Variants in CNIH3 observed in about 807,000 individuals in gnomAD.
CNIH3 encodes cornichon family AMPA receptor auxiliary protein 3.
Under a neutral mutation model 24.1 loss-of-function variants are expected in CNIH3, and 14 were observed. The observed-to-expected ratio is 0.58, with a 90% confidence interval of 0.38 to 0.91. The LOEUF (loss-of-function observed/expected upper bound fraction) is 0.91. Among genes scored for constraint, CNIH3 ranks in the 40% least tolerant of loss-of-function variants. The pLI is 0.00. For missense variants in CNIH3, 178 were observed against 196.8 expected, an observed-to-expected ratio of 0.90 and a Z score of 0.57; for synonymous variants, 68 against 73.8, an observed-to-expected ratio of 0.92 and a Z score of 0.40.
At chr1:224,434,809 G>T in exon 1 of CNIH3, 2 of 986,216 alleles carry the variant, frequency 2.0e-6, no homozygotes, top group South Asian at 9.3e-5. Context: ...GAGTCCAGGC[G>T]CTCGCGTCAC....
At chr1:224,689,606 A>C (rs56365526) in intron 3 of CNIH3, among the ~76,000 whole-genome samples, 26,800 of 152,112 alleles carry the variant, frequency 0.18, 2,524 homozygotes, top group African/African-American at 0.23. Flanking sequence ...TAATGGGTCT[A>C]GTTAGCAGCA....
chr1:224,522,739 TA>T (rs1220911486), intron 2 of CNIH3, among the ~76,000 whole-genome samples: 1 of 152,080 alleles, frequency 6.6e-6, no homozygotes, highest in Non-Finnish European at 1.5e-5. Flanking sequence ...AGCTAAAACC[TA>T]AAAAAACAAC....
At chr1:224,473,020 T>A (rs1163919941) in intron 1 of CNIH3, among the ~76,000 whole-genome samples, 3 of 152,052 alleles carry the variant, frequency 2.0e-5, no homozygotes, top group Non-Finnish European at 4.4e-5. Context: ...GGCAGGAGGG[T>A]TTGGCATCAG....
intron 1 of CNIH3, among the ~76,000 whole-genome samples, chr1:224,475,890 T>G (rs145303672): frequency 1.6e-4 from 24 of 152,250 alleles, no homozygotes; most frequent in African/African-American, 5.3e-4. Flanking sequence ...AAAAAAAGCA[T>G]TCATCATTAC....
intron 1 of CNIH3, among the ~76,000 whole-genome samples, chr1:224,445,087 G>T (rs547072740): frequency 4.7e-4 from 71 of 152,138 alleles, no homozygotes; most frequent in African/African-American, 1.7e-3. Context: ...AACGTTACCA[G>T]GACCCCAGTA....
intron 1 of CNIH3, among the ~76,000 whole-genome samples, chr1:224,475,197 C>T (rs1305428151): frequency 7.0e-6 from 1 of 143,812 alleles, no homozygotes; most frequent in Non-Finnish European, 1.5e-5. Flanking sequence ...TTTACTAAAA[C>T]TACAGAAAAT....
chr1:224,586,286 A>G (rs937016984), intron 5 of CNIH3, among the ~76,000 whole-genome samples: 2 of 152,248 alleles, frequency 1.3e-5, no homozygotes, highest in African/African-American at 4.8e-5. Context: ...TCACAGTTCC[A>G]TGTGGCTGGG....
intron 1 of CNIH3, among the ~76,000 whole-genome samples, chr1:224,457,273 CTCTGTGTG>C (rs894062644): frequency 1.2e-3 from 34 of 28,082 alleles, no homozygotes; most frequent in African/African-American, 2.9e-3. Flanking sequence ...TCCTCTCTCT[CTCTGTGTG>C]TGTGTGTGTG....
intron 3 of CNIH3, among the ~76,000 whole-genome samples, chr1:224,601,936 C>T (rs1682227668): frequency 6.6e-6 from 1 of 152,208 alleles, no homozygotes; most frequent in Non-Finnish European, 1.5e-5. Flanking sequence ...AAATGCCAAA[C>T]TTTCTGTGTA....
chr1:224,527,347 A>C (rs2124925178), intron 2 of CNIH3, among the ~76,000 whole-genome samples: 1 of 152,320 alleles, frequency 6.6e-6, no homozygotes, highest in East Asian at 1.9e-4. Context: ...CACTAAGGTA[A>C]TTTTTTAATT....
intron 3 of CNIH3, among the ~76,000 whole-genome samples, chr1:224,565,189 G>A (rs1474785002): frequency 6.6e-6 from 1 of 152,204 alleles, no homozygotes; most frequent in Admixed American, 6.5e-5. Flanking sequence ...TGATCTGAGT[G>A]TGTGTATGTC....
At chr1:224,483,718 G>A (rs1369306532) in intron 1 of CNIH3, among the ~76,000 whole-genome samples, 2 of 152,090 alleles carry the variant, frequency 1.3e-5, no homozygotes, top group African/African-American at 2.4e-5. Flanking sequence ...TCTTATGAAG[G>A]TGCTTTTTTG....
chr1:224,697,834 C>T (rs1030230900), intron 3 of CNIH3, among the ~76,000 whole-genome samples: 4 of 152,132 alleles, frequency 2.6e-5, no homozygotes, highest in Admixed American at 2.6e-4. Flanking sequence ...TTGCATTATC[C>T]AGTCTCTGCC....
At chr1:224,731,468 A>T (rs940499618) in intron 4 of CNIH3, among the ~76,000 whole-genome samples, 1 of 152,208 alleles carries the variant, frequency 6.6e-6, no homozygotes, top group Non-Finnish European at 1.5e-5. Context: ...ATTTGCGCAG[A>T]TAAGTTGCCT....
intron 1 of CNIH3, among the ~76,000 whole-genome samples, chr1:224,642,388 T>G (rs1009208332): frequency 1.3e-5 from 2 of 152,094 alleles, no homozygotes; most frequent in African/African-American, 4.8e-5. Context: ...TGCCACCATA[T>G]CTAGCTAATT....
intron 3 of CNIH3, among the ~76,000 whole-genome samples, chr1:224,722,580 G>A (rs768720675): frequency 2.9e-4 from 44 of 152,164 alleles, no homozygotes; most frequent in Admixed American, 1.1e-3. Flanking sequence ...ACCACACTTT[G>A]AGCAGGGTTC....
intron 1 of CNIH3, chr1:224,665,004 G>C (rs1685529444): frequency 6.6e-6 from 1 of 151,688 alleles, no homozygotes; most frequent in Admixed American, 6.6e-5. Flanking sequence ...TTTCTTCCTG[G>C]GTCTAATTTT....
intron 1 of CNIH3, among the ~76,000 whole-genome samples, chr1:224,623,347 C>T (rs1294114320): frequency 2.0e-5 from 3 of 152,320 alleles, no homozygotes; most frequent in Admixed American, 1.3e-4. Context: ...TGTTTCCTGT[C>T]GCTCCTGTAG....
chr1:224,651,680 A>C (rs1305850737), intron 1 of CNIH3, among the ~76,000 whole-genome samples: 1 of 152,202 alleles, frequency 6.6e-6, no homozygotes, highest in Non-Finnish European at 1.5e-5. Context: ...GTAAAGGTCT[A>C]ACTCAGAACT....
Sources: gnomAD v4.1 joint callset for allele counts (sites outside exome capture counted in the v4.1 genomes callset) on GRCh38, gnomAD v4.1.1 for gene constraint, MANE v1.5 for transcripts, NCBI Gene and HGNC (gene_info 2026-07-23, HGNC 2026-07-21) for gene names.